NAALADL2: variants seen among roughly 807,000 people sequenced by gnomAD.
NAALADL2 encodes the protein inactive N-acetylated-alpha-linked acidic dipeptidase-like protein 2.
Under a neutral mutation model 87.2 loss-of-function variants are expected in NAALADL2, and 76 were observed. That is an observed-to-expected ratio of 0.87 (90% CI 0.72 to 1.05). The LOEUF is 1.05. Among genes scored for constraint, NAALADL2 ranks in the 50% least tolerant of loss-of-function variants. The pLI is 0.00. For synonymous variants in NAALADL2, 354 were observed against 331.0 expected (o/e 1.07, Z -0.75); for missense variants, 1,089 against 945.8 (o/e 1.15, Z -1.99).
At chr3:175,166,727 AC>A (rs1286228717) in intron 2 of NAALADL2, among the ~76,000 whole-genome samples, 1 of 152,028 alleles carries the variant, frequency 6.6e-6, no homozygotes, top group African/African-American at 2.4e-5. Context: ...ATATTTATAT[AC>A]CTGCCCCTGT....
chr3:174,850,937 C>G (rs1300786242), intron 3 of NAALADL2, among the ~76,000 whole-genome samples: 1 of 151,950 alleles, frequency 6.6e-6, no homozygotes. Context: ...TGGAATAAAA[C>G]TAGAGAGTTG....
intron 2 of NAALADL2, among the ~76,000 whole-genome samples, chr3:174,697,815 G>T (rs1426884960): frequency 6.6e-6 from 1 of 152,142 alleles, no homozygotes; most frequent in Non-Finnish European, 1.5e-5. Flanking sequence ...TAAATGGCTG[G>T]ACGCGGTGGC....
chr3:174,614,204 T>A (rs1359692187), intron 2 of NAALADL2, among the ~76,000 whole-genome samples: 1 of 152,130 alleles, frequency 6.6e-6, no homozygotes, highest in Non-Finnish European at 1.5e-5. Context: ...ATAGTTGAAA[T>A]GTTCCCCTCC....
chr3:174,996,470 C>T (rs1747477823), intron 1 of NAALADL2, among the ~76,000 whole-genome samples: 1 of 150,392 alleles, frequency 6.6e-6, no homozygotes, highest in Non-Finnish European at 1.5e-5. Flanking sequence ...GCACTCCAGC[C>T]TGGGCAACAG....
intron 11 of NAALADL2, among the ~76,000 whole-genome samples, chr3:175,639,063 A>G (rs929370072): frequency 1.3e-5 from 2 of 152,126 alleles, no homozygotes; most frequent in East Asian, 1.9e-4. Flanking sequence ...GTTTTACTAT[A>G]TAAGTGGAAT....
At chr3:174,868,770 A>G (rs1395832262) in intron 1 of NAALADL2, among the ~76,000 whole-genome samples, 2 of 152,200 alleles carry the variant, frequency 1.3e-5, no homozygotes. Flanking sequence ...TAAAACAGTT[A>G]TTCTAAACTG....
At chr3:175,523,532 G>T (rs929376039) in intron 9 of NAALADL2, among the ~76,000 whole-genome samples, 3 of 152,162 alleles carry the variant, frequency 2.0e-5, no homozygotes, top group African/African-American at 4.8e-5. Context: ...TGCCGCAAAA[G>T]AAATAGCACT....
intron 1 of NAALADL2, among the ~76,000 whole-genome samples, chr3:174,999,550 C>A (rs1275594476): frequency 6.6e-6 from 1 of 152,084 alleles, no homozygotes; most frequent in African/African-American, 2.4e-5. Flanking sequence ...TAATTAGTGC[C>A]ACTGTCCACA....
chr3:174,842,701 G>T (rs1724161364), intron 3 of NAALADL2, among the ~76,000 whole-genome samples: 1 of 151,986 alleles, frequency 6.6e-6, no homozygotes, highest in Non-Finnish European at 1.5e-5. Context: ...TTGACATCCG[G>T]CTTGGTACCT....
intron 7 of NAALADL2, among the ~76,000 whole-genome samples, chr3:175,464,854 A>T (rs2149272629): frequency 6.6e-6 from 1 of 152,348 alleles, no homozygotes; most frequent in Admixed American, 6.5e-5. Flanking sequence ...ATTGAATTTC[A>T]ACAAATTTCC....
At chr3:175,299,159 T>G (rs1410269960) in intron 4 of NAALADL2, among the ~76,000 whole-genome samples, 2 of 152,202 alleles carry the variant, frequency 1.3e-5, no homozygotes, top group Non-Finnish European at 2.9e-5. Flanking sequence ...CCATGCGGTT[T>G]TGGTTACTGT....
chr3:175,778,532 G>T (rs1015428931), intron 13 of NAALADL2, among the ~76,000 whole-genome samples: 2 of 152,164 alleles, frequency 1.3e-5, no homozygotes, highest in African/African-American at 4.8e-5. Flanking sequence ...AGTCAGTTGA[G>T]AATTATGGGG....
At position 175,536,977 on chromosome 3, in the gene NAALADL2, G is replaced by A. The variant is rs1032481254; in HGVS notation, c.1654-39064G>A. The stretch of plus-strand genomic sequence containing the variant: ...AGCCTGAGCGACAGAAAGAGACTCC[G>A]TCTCAAAAAAAAAATACCTAAATAA... On this transcript the variant is annotated intron_variant, in intron 9 of 13. Transcript: ENST00000454872. Among the ~76,000 whole-genome samples the A allele has an allele frequency of 2.7e-4, 41 of 151,496 alleles. 1 individual carries two copies. The highest frequency in any genetic ancestry group is 8.7e-4 in the African/African-American group (36 of 41,242).
At chr3:174,824,864 CA>C (rs1216135367) in intron 3 of NAALADL2, among the ~76,000 whole-genome samples, 6 of 151,914 alleles carry the variant, frequency 3.9e-5, no homozygotes, top group Admixed American at 6.6e-5. Flanking sequence ...TGTAACTCAT[CA>C]AAAAAATAAG....
At chr3:175,203,449 C>G (rs1049209157) in intron 2 of NAALADL2, among the ~76,000 whole-genome samples, 3 of 152,166 alleles carry the variant, frequency 2.0e-5, no homozygotes, top group African/African-American at 7.2e-5. Flanking sequence ...AGAGGAAGCT[C>G]TCCCTTTCCC....
intron 10 of NAALADL2, among the ~76,000 whole-genome samples, chr3:175,591,403 A>G (rs1316135251): frequency 6.6e-6 from 1 of 152,118 alleles, no homozygotes; most frequent in Non-Finnish European, 1.5e-5. Context: ...TCCAGAGGGG[A>G]AAAAATGGAA....
At chr3:174,469,583 C>A (rs1159338454) in intron 1 of NAALADL2, among the ~76,000 whole-genome samples, 1 of 152,212 alleles carries the variant, frequency 6.6e-6, no homozygotes, top group South Asian at 2.1e-4. Context: ...TACCCGCCAC[C>A]AAGTCCAGTT....
At chr3:174,811,424 A>G (rs1166425726) in intron 3 of NAALADL2, among the ~76,000 whole-genome samples, 1 of 152,144 alleles carries the variant, frequency 6.6e-6, no homozygotes, top group Non-Finnish European at 1.5e-5. Context: ...TGGATGTGAG[A>G]CATAGAGTCA....
chr3:174,852,294 G>T (rs1250896986), intron 3 of NAALADL2, among the ~76,000 whole-genome samples: 1 of 152,060 alleles, frequency 6.6e-6, no homozygotes, highest in Admixed American at 6.6e-5. Context: ...CCTTGCAGAT[G>T]TTATAGCCTT....
Sources: allele counts gnomAD v4.1 joint callset (sites outside exome capture counted in the v4.1 genomes callset), GRCh38; gene constraint gnomAD v4.1.1; transcripts MANE v1.5; gene names NCBI Gene and HGNC (gene_info 2026-07-23, HGNC 2026-07-21).